KLHDC1: variants seen among roughly 807,000 people sequenced by gnomAD.
KLHDC1 encodes the protein kelch domain-containing protein 1.
Under a neutral mutation model 68.3 loss-of-function variants are expected in KLHDC1, and 53 were observed. The ratio of observed to expected loss-of-function variants is 0.78; its 90% CI spans 0.62 to 0.98. KLHDC1 has a LOEUF of 0.98. KLHDC1 is among the 50% of genes least tolerant of loss of function. The pLI is 0.00. For synonymous variants in KLHDC1, 148 were observed against 159.0 expected (o/e 0.93, Z 0.52); for missense variants, 470 against 492.3 (o/e 0.95, Z 0.43).
intron 4 of KLHDC1, among the ~76,000 whole-genome samples, chr14:49,711,838 A>G (rs1038313596): frequency 5.9e-5 from 9 of 151,308 alleles, no homozygotes; most frequent in Non-Finnish European, 1.5e-5. Flanking sequence ...GTTTTTAAAC[A>G]ATTTGTTCAG....
At chr14:49,723,732 C>G in intron 4 of KLHDC1, 142 bp from the exon 5 acceptor site, 1 of 563,902 alleles carries the variant, frequency 1.8e-6, no homozygotes, top group East Asian at 3.0e-5. Flanking sequence ...TTATTTAGGT[C>G]TCTTTGTTCC....
intron 12 of KLHDC1, among the ~76,000 whole-genome samples, chr14:49,750,183 G>A (rs542057180): frequency 3.3e-4 from 50 of 152,252 alleles, no homozygotes; most frequent in African/African-American, 1.1e-3. Flanking sequence ...AGATTCCTTC[G>A]CATGGTCCTC....
At chr14:49,705,365 C>CTTTTTTTGTTTTTTTTTTTTTTT (rs755036304) in intron 1 of KLHDC1, among the ~76,000 whole-genome samples, 1 of 71,664 alleles carries the variant, frequency 1.4e-5, no homozygotes, top group Non-Finnish European at 2.4e-5. Flanking sequence ...TTCTTTCTTT[C>CTTTTTTTGTTTTTTTTTTTTTTT]TTTTTTTTTT....
At chr14:49,713,867 TC>T (rs1888297273) in intron 4 of KLHDC1, among the ~76,000 whole-genome samples, 1 of 92,300 alleles carries the variant, frequency 1.1e-5, no homozygotes, top group African/African-American at 4.2e-5. Flanking sequence ...TTTTTTTTTT[TC>T]CTGAGACAGA....
intron 6 of KLHDC1, 54 bp from the exon 7 acceptor site, chr14:49,728,872 A>C: frequency 8.2e-7 from 1 of 1,223,140 alleles, no homozygotes; most frequent in South Asian, 1.2e-5. Context: ...TAGGAATGTA[A>C]CTTTATTACA....
intron 11 of KLHDC1, 141 bp downstream of exon 11, chr14:49,740,323 C>A: frequency 1.7e-6 from 1 of 578,404 alleles, no homozygotes; most frequent in Admixed American, 3.3e-5. Flanking sequence ...AATTAATCTT[C>A]AGGATGACTG....
At chr14:49,743,721 A>G in intron 11 of KLHDC1, 32 bp from the exon 12 acceptor site, 1 of 1,387,938 alleles carries the variant, frequency 7.2e-7, no homozygotes. Flanking sequence ...TTTTTATCAA[A>G]AACTTAATAA....
At chr14:49,718,859 C>T (rs1888452624) in intron 4 of KLHDC1, among the ~76,000 whole-genome samples, 1 of 131,530 alleles carries the variant, frequency 7.6e-6, no homozygotes, top group Non-Finnish European at 1.5e-5. Flanking sequence ...GATCCTAGCT[C>T]ACTGTTTCCT....
At chr14:49,706,359 A>G (rs978555221) in intron 1 of KLHDC1, among the ~76,000 whole-genome samples, 1 of 152,208 alleles carries the variant, frequency 6.6e-6, no homozygotes, top group Admixed American at 6.5e-5. Context: ...TATGAGTACC[A>G]CATTTTCTTT....
intron 4 of KLHDC1, among the ~76,000 whole-genome samples, chr14:49,721,894 T>A (rs927995087): frequency 2.0e-5 from 3 of 152,198 alleles, no homozygotes; most frequent in African/African-American, 7.2e-5. Flanking sequence ...CCCTGGCCTT[T>A]GGAGGGCAGG....
At chr14:49,717,523 C>T (rs1169675226) in intron 4 of KLHDC1, among the ~76,000 whole-genome samples, 2 of 152,098 alleles carry the variant, frequency 1.3e-5, no homozygotes, top group Non-Finnish European at 2.9e-5. Context: ...AATGTCTATT[C>T]AAATCCTTTA....
At chr14:49,728,900 C>T (rs1284455252) in intron 6 of KLHDC1, 26 bp from the exon 7 acceptor site, 7 of 1,499,444 alleles carry the variant, frequency 4.7e-6, no homozygotes, top group Non-Finnish European at 6.5e-6. Flanking sequence ...CAAGTCTTTG[C>T]AGTCTGTTCT....
intron 1 of KLHDC1, among the ~76,000 whole-genome samples, chr14:49,705,698 A>G (rs1419160673): frequency 6.6e-6 from 1 of 152,068 alleles, no homozygotes; most frequent in Non-Finnish European, 1.5e-5. Flanking sequence ...AGGAGTACAC[A>G]TGAGGCTACT....
At chr14:49,700,461 A>G (rs758642302) in intron 1 of KLHDC1, among the ~76,000 whole-genome samples, 7 of 152,212 alleles carry the variant, frequency 4.6e-5, no homozygotes, top group Admixed American at 2.6e-4. Flanking sequence ...GTGTGCTTCT[A>G]TGGTCCTAGC....
At chr14:49,711,202 A>G (rs916738707) in intron 4 of KLHDC1, among the ~76,000 whole-genome samples, 25 of 148,142 alleles carry the variant, frequency 1.7e-4, no homozygotes, top group African/African-American at 2.7e-4. Context: ...TTGTTTGTTT[A>G]TTTATTTATT....
intron 4 of KLHDC1, among the ~76,000 whole-genome samples, chr14:49,712,949 CTT>C (rs765770912): frequency 3.0e-4 from 41 of 136,868 alleles, no homozygotes; most frequent in Non-Finnish European, 3.2e-4. Flanking sequence ...CCATAGCTAA[CTT>C]TTTTTTTTTT....
Position 49,693,210 on chromosome 14 carries a change from C to T in KLHDC1, c.16C>T (p.Leu6=). ...GACGGCGCGAATGGCGGACTCTCAG[C>T]TGTTCTGTGTGGCGGAGGAACGCAG... MADSQ[L]FCVAEERSGH... Residue 6 remains leucine, a synonymous_variant, in exon 1 of 13, where the codon CTG becomes TTG. Transcript: ENST00000359332. The T allele has an allele frequency of 2.5e-6, 4 of 1,582,620 alleles. No homozygotes were observed. The highest frequency in any genetic ancestry group is 3.4e-6 in the Non-Finnish European group (4 of 1,166,126).
At chr14:49,732,418 C>T (rs1888832907) in intron 8 of KLHDC1, among the ~76,000 whole-genome samples, 1 of 152,156 alleles carries the variant, frequency 6.6e-6, no homozygotes, top group Admixed American at 6.5e-5. Flanking sequence ...GGCAATCCAC[C>T]CGCCTTGACC....
At chr14:49,713,833 TATATA>T (rs1416995497) in intron 4 of KLHDC1, among the ~76,000 whole-genome samples, 1,127 of 15,562 alleles carry the variant, frequency 0.072, 313 homozygotes, top group Admixed American at 0.1. Flanking sequence ...TATATATATA[TATATA>T]TATATATATA....
Sources: gnomAD v4.1 joint callset for allele counts (sites outside exome capture counted in the v4.1 genomes callset) on GRCh38, gnomAD v4.1.1 for gene constraint, MANE v1.5 for transcripts, NCBI Gene and HGNC (gene_info 2026-07-23, HGNC 2026-07-21) for gene names.